The following DPYD variants were observed in gnomAD, a reference collection of about 807,000 sequenced individuals.
The protein encoded by DPYD is dihydropyrimidine dehydrogenase, also known as dihydropyrimidine dehydrogenase [NADP(+)].
DPYD carries 109 observed loss-of-function variants against 116.2 expected under a neutral mutation model. That is an observed-to-expected ratio of 0.94 (90% CI 0.80 to 1.10). DPYD has a LOEUF of 1.10. DPYD is among the 50% of genes least tolerant of loss of function. DPYD has a pLI of 0.00. For synonymous variants in DPYD, 440 were observed against 432.0 expected (o/e 1.02, Z -0.23); for missense variants, 1,302 against 1,254.5 (o/e 1.04, Z -0.57).
In DPYD at chr1:97,751,452, G is replaced by GTATATATATATATA. The variant is rs1557933124; in HGVS notation, c.234-10974_234-10973insTATATATATATATA. 1.3e-3 allele frequency among the ~76,000 whole-genome samples: 42 copies of GTATATATATATATA among 33,150 alleles called. No homozygotes were observed. In the Middle Eastern group the frequency reaches 0.045, roughly 36 times the overall value. 21.7% of individuals were successfully genotyped at this position (33,150 alleles called of 152,430 possible). A position where few individuals can be genotyped will look rare whatever the true frequency, so the allele number is the denominator to read the frequency against. On this transcript the variant is annotated intron_variant, in intron 3 of 22. Transcript: ENST00000370192. ...TACGTGTGTGTGTGTGTGTGTGTGT[G>GTATATATATATATA]TGTGTGTGTATATATATATATATAT...
chr1:97,527,238 C>T (rs1649205590), intron 12 of DPYD, among the ~76,000 whole-genome samples: 1 of 152,016 alleles, frequency 6.6e-6, no homozygotes, highest in Admixed American at 6.6e-5. Context: ...GCCACCACGC[C>T]CAGCTAATTT....
intron 10 of DPYD, among the ~76,000 whole-genome samples, chr1:97,589,783 C>T (rs771922483): frequency 2.8e-4 from 43 of 152,124 alleles, no homozygotes; most frequent in Non-Finnish European, 1.5e-4. Context: ...TACTGACAAA[C>T]CATGCTATTT....
At chr1:97,665,009 T>C (rs1255445138) in intron 8 of DPYD, among the ~76,000 whole-genome samples, 1 of 152,050 alleles carries the variant, frequency 6.6e-6, no homozygotes, top group Admixed American at 6.6e-5. Flanking sequence ...CACAGATGGA[T>C]CAATCACTAG....
chr1:97,901,071 T>TCA (rs2101684297), intron 1 of DPYD, among the ~76,000 whole-genome samples: 1 of 151,912 alleles, frequency 6.6e-6, no homozygotes, highest in Admixed American at 6.6e-5. Context: ...GACTATTTGG[T>TCA]AATACCTGAT....
At chr1:97,757,023 A>G (rs1040370854) in intron 3 of DPYD, among the ~76,000 whole-genome samples, 4 of 152,024 alleles carry the variant, frequency 2.6e-5, no homozygotes, top group Non-Finnish European at 4.4e-5. Context: ...TCATATCCCC[A>G]TATTTTTCAA....
intron 13 of DPYD, among the ~76,000 whole-genome samples, chr1:97,505,998 TTAAC>T (rs1190357757): frequency 1.1e-4 from 17 of 151,954 alleles, no homozygotes; most frequent in East Asian, 5.8e-4. Context: ...GAGTGAATAT[TTAAC>T]TAACACACCA....
At chr1:97,840,634 T>TA (rs975801201) in intron 2 of DPYD, among the ~76,000 whole-genome samples, 4 of 152,088 alleles carry the variant, frequency 2.6e-5, no homozygotes, top group Admixed American at 2.6e-4. Flanking sequence ...TTTTAATTAT[T>TA]AAAAAATATG....
chr1:97,765,857 A>G (rs74760789), intron 3 of DPYD, among the ~76,000 whole-genome samples: 2,210 of 152,326 alleles, frequency 0.015, 58 homozygotes, highest in African/African-American at 0.05. Flanking sequence ...GCAAAAGCTA[A>G]AAAGACGATA....
At chr1:97,379,562 G>C (rs1038063166) in intron 15 of DPYD, among the ~76,000 whole-genome samples, 3 of 152,160 alleles carry the variant, frequency 2.0e-5, no homozygotes, top group Non-Finnish European at 2.9e-5. Context: ...ATGAGAGTGG[G>C]TTGTGTCACA....
chr1:97,688,317 T>C (rs1307755621), intron 7 of DPYD, among the ~76,000 whole-genome samples: 1 of 152,080 alleles, frequency 6.6e-6, no homozygotes, highest in Non-Finnish European at 1.5e-5. Context: ...AGAGCAAATA[T>C]AATCACAGGC....
chr1:97,858,366 G>C (rs1446700956), intron 2 of DPYD, among the ~76,000 whole-genome samples: 1 of 152,090 alleles, frequency 6.6e-6, no homozygotes. Flanking sequence ...TCAAAATTAT[G>C]ATTTTTTGTT....
intron 6 of DPYD, among the ~76,000 whole-genome samples, chr1:97,692,814 G>T (rs1419479762): frequency 6.6e-6 from 1 of 152,026 alleles, no homozygotes; most frequent in Non-Finnish European, 1.5e-5. Context: ...ACATAAAATA[G>T]CAATCATATT....
At chr1:97,752,727 C>T (rs1229812958) in intron 3 of DPYD, among the ~76,000 whole-genome samples, 2 of 152,186 alleles carry the variant, frequency 1.3e-5, no homozygotes, top group African/African-American at 4.8e-5. Context: ...AACCCCCTGG[C>T]TATCATGCTT....
intron 3 of DPYD, among the ~76,000 whole-genome samples, chr1:97,787,561 C>A (rs556220403): frequency 6.6e-6 from 1 of 152,146 alleles, no homozygotes; most frequent in South Asian, 2.1e-4. Context: ...TAATTCTTGG[C>A]AAAGACTGCA....
chr1:97,689,410 C>T lies in DPYD; in HGVS notation c.762+2307G>A, dbSNP rs560160978. Reference sequence around the variant, plus strand: ...AGGATGGCTCTACATGGTTCTAGTCCTGGCATACTACTTGGCAAAAATAAG... The same window carrying T: ...AGGATGGCTCTACATGGTTCTAGTCTTGGCATACTACTTGGCAAAAATAAG... On this transcript the variant is annotated intron_variant, in intron 7 of 22. Coordinates refer to ENST00000370192, the MANE Select transcript of DPYD (RefSeq NM_000110.4). Among the ~76,000 whole-genome samples the T allele has an allele frequency of 2.5e-3, 385 of 152,058 alleles. 1 individual carries two copies. Among genetic ancestry groups the T allele is most frequent in the Non-Finnish European group, 4.5e-3 (303 of 67,912 alleles).
At chr1:97,407,221 T>C (rs751571315) in intron 14 of DPYD, among the ~76,000 whole-genome samples, 1 of 152,164 alleles carries the variant, frequency 6.6e-6, no homozygotes, top group Admixed American at 6.6e-5. Flanking sequence ...CATGGAATGA[T>C]GCACAACATC....
At chr1:97,205,354 A>G (rs563737050) in intron 19 of DPYD, among the ~76,000 whole-genome samples, 4 of 151,458 alleles carry the variant, frequency 2.6e-5, no homozygotes, top group South Asian at 4.2e-4. Context: ...GCAACCACTG[A>G]TCTTTTTTAC....
intron 3 of DPYD, among the ~76,000 whole-genome samples, chr1:97,791,443 G>A (rs1299408493): frequency 6.6e-6 from 1 of 152,182 alleles, no homozygotes; most frequent in African/African-American, 2.4e-5. Flanking sequence ...TAGCATTAGA[G>A]TATTGGAACA....
At chr1:97,883,803 G>C in intron 1 of DPYD, 1 of 439,758 alleles carries the variant, frequency 2.3e-6, no homozygotes, top group Non-Finnish European at 4.3e-6. Flanking sequence ...CCTAAAGAAA[G>C]GGTTAGCCAG....
Sources: allele counts gnomAD v4.1 joint callset (sites outside exome capture counted in the v4.1 genomes callset), GRCh38; gene constraint gnomAD v4.1.1; transcripts MANE v1.5; gene names NCBI Gene and HGNC (gene_info 2026-07-23, HGNC 2026-07-21).